Variants in RAD52 observed in about 807,000 individuals in gnomAD.
RAD52 encodes the protein DNA repair protein RAD52 homolog.
In RAD52, 47 loss-of-function variants were observed where a neutral mutation model predicts 55.5. The observed-to-expected ratio is 0.85, with a 90% CI of 0.67 to 1.08. The LOEUF (loss-of-function observed/expected upper bound fraction) is 1.08. Among genes scored for constraint, RAD52 ranks in the 50% least tolerant of loss-of-function variants. The pLI is 0.00. For missense variants in RAD52, 468 were observed against 522.8 expected, an observed-to-expected ratio of 0.90 and a Z score of 1.02; for synonymous variants, 184 against 198.9, an observed-to-expected ratio of 0.92 and a Z score of 0.63.
At chr12:924,671 C>T (rs1026776717) in intron 7 of RAD52, among the ~76,000 whole-genome samples, 1 of 152,120 alleles carries the variant, frequency 6.6e-6, no homozygotes, top group African/African-American at 2.4e-5. Flanking sequence ...CACCACAGAC[C>T]CCATTCTCCA....
At chr12:946,772 A>G (rs940881474) in intron 1 of RAD52, among the ~76,000 whole-genome samples, 3 of 152,230 alleles carry the variant, frequency 2.0e-5, no homozygotes, top group African/African-American at 4.8e-5. Flanking sequence ...TTATTTGAAC[A>G]TAGCTGGGAA....
chr12:927,233 C>G lies in RAD52; in HGVS notation c.379G>C (p.Gly127Arg). The change falls in exon 6 of 12, where the codon GGT (glycine) becomes CGT (arginine). Residue 127 changes from glycine (G) to arginine (R), a missense_variant. Gly to Arg is a moderately radical substitution (Grantham distance 125). Transcript: ENST00000358495. ...TTGGACTTGAGGCCCTCACTAACAC[C>G]ATAACCAACATCTTCATGATATGAA... The part of the protein sequence containing the change: ...DGSYHEDVGY[G>R]VSEGLKSKAL... The G allele has an allele frequency of 3.1e-6, 5 of 1,614,050 alleles. No individual in the cohort carries two copies. The highest frequency in any genetic ancestry group is 4.2e-6 in the Non-Finnish European group (5 of 1,179,974).
chr12:925,394 T>C lies in RAD52; in HGVS notation c.543+56A>G, dbSNP rs1956977158. 4 of 1,429,656 alleles carry C rather than the reference T, an allele frequency of 2.8e-6. No homozygotes were observed. The African/African-American group carries it at 5.6e-5, about 20-fold the overall frequency. The allele number at this position is 1,429,656 out of a possible 1,614,324, so 88.6% of individuals were successfully genotyped here. On this transcript the variant is annotated intron_variant, in intron 7 of 11. Coordinates refer to ENST00000358495, the MANE Select transcript of RAD52 (RefSeq NM_134424.4). ...TTGCATCCTCCAAATACTCAACCCATGACACACAAGAGTTTGCCGCATTAT... is the reference window on the plus strand; with the variant it reads ...TTGCATCCTCCAAATACTCAACCCACGACACACAAGAGTTTGCCGCATTAT...
At position 961,309 on chromosome 12, in the gene RAD52, C is replaced by CAAAAAAAAAAAAAAAAAAAAAAAAAAAAA. The variant is rs60547688; in HGVS notation, c.-18-28234_-18-28233insTTTTTTTTTTTTTTTTTTTTTTTTTTTTT. Reference sequence around the variant, plus strand: ...TGGGTGACAGAGTGAGACTCCATCTCAAAAAAAAAAAAAAAAAAAAAAAGG... The same window carrying CAAAAAAAAAAAAAAAAAAAAAAAAAAAAA: ...TGGGTGACAGAGTGAGACTCCATCTCAAAAAAAAAAAAAAAAAAAAAAAAAAAAAAAAAAAAAAAAAAAAAAAAAAAAGG... On this transcript the variant is annotated intron_variant, in intron 1 of 11. Transcript: ENST00000430095. 9.8e-4 allele frequency among the ~76,000 whole-genome samples: 33 copies of CAAAAAAAAAAAAAAAAAAAAAAAAAAAAA among 33,812 alleles called. 1 individual carries two copies. The highest frequency in any genetic ancestry group is 1.9e-3 in the East Asian group (2 of 1,046). 22.2% of individuals were successfully genotyped at this position (33,812 alleles called of 152,430 possible).
intron 1 of RAD52, among the ~76,000 whole-genome samples, chr12:987,934 T>C (rs1338222639): frequency 1.3e-5 from 2 of 152,102 alleles, no homozygotes; most frequent in Non-Finnish European, 2.9e-5. Flanking sequence ...CTTCCTAAAG[T>C]GTTGGGATTA....
At chr12:984,733 C>T (rs1052761586) in intron 1 of RAD52, among the ~76,000 whole-genome samples, 6 of 151,362 alleles carry the variant, frequency 4.0e-5, no homozygotes, top group African/African-American at 7.3e-5. Context: ...GGCGTGATCT[C>T]GGCTCACTGC....
chr12:960,504 C>T (rs2154120607), intron 1 of RAD52, among the ~76,000 whole-genome samples: 1 of 152,304 alleles, frequency 6.6e-6, no homozygotes, highest in Middle Eastern at 3.4e-3. Context: ...CTTGTTCTGA[C>T]ACCCAGGCTG....
At chr12:958,840 G>T (rs1328668853) in intron 1 of RAD52, among the ~76,000 whole-genome samples, 2 of 152,138 alleles carry the variant, frequency 1.3e-5, no homozygotes, top group Non-Finnish European at 2.9e-5. Flanking sequence ...GCTTGAGGAG[G>T]TTGGGGGCAT....
intron 1 of RAD52, among the ~76,000 whole-genome samples, chr12:966,278 TA>T (rs1215234359): frequency 6.6e-6 from 1 of 152,082 alleles, no homozygotes; most frequent in Non-Finnish European, 1.5e-5. Context: ...AATATGTAAA[TA>T]GGGGTGTTGT....
rs1476516870 is a variant in RAD52 at position 942,711 on chromosome 12, G to A, written c.-19+6891C>T. 6.0e-5 allele frequency among the ~76,000 whole-genome samples: 9 copies of A among 150,408 alleles called. No individual in the cohort carries two copies. In the East Asian group the frequency reaches 9.8e-4, roughly 16 times the overall value. ...GCAGTGAGCGGAGATCGCCATCACC[G>A]CACTCCAGCCTGGACGACAGAGCAA... On this transcript the variant is annotated intron_variant, in intron 1 of 11. Transcript: ENST00000358495.
intron 1 of RAD52, among the ~76,000 whole-genome samples, chr12:938,660 G>T (rs1957759256): frequency 6.6e-6 from 1 of 152,128 alleles, no homozygotes; most frequent in Non-Finnish European, 1.5e-5. Flanking sequence ...TCCAGTTTGG[G>T]TAACAGAGCA....
intron 1 of RAD52, among the ~76,000 whole-genome samples, chr12:965,741 A>G (rs1352474168): frequency 6.6e-6 from 1 of 151,510 alleles, no homozygotes; most frequent in Non-Finnish European, 1.5e-5. Flanking sequence ...GCTGGAGTGC[A>G]CTGTCTCGAT....
chr12:954,271 C>T (rs1958575367), upstream of RAD52, among the ~76,000 whole-genome samples: 1 of 152,202 alleles, frequency 6.6e-6, no homozygotes, highest in South Asian at 2.1e-4. Context: ...AATATCTTCT[C>T]TTACTCTGTT....
chr12:926,184 G>C (rs1246125100), intron 6 of RAD52, among the ~76,000 whole-genome samples: 1 of 152,072 alleles, frequency 6.6e-6, no homozygotes, highest in African/African-American at 2.4e-5. Flanking sequence ...CTCAGCTCAT[G>C]AGAGATCTGG....
At chr12:970,093 A>G (rs991714850) in intron 1 of RAD52, among the ~76,000 whole-genome samples, 5 of 151,668 alleles carry the variant, frequency 3.3e-5, no homozygotes, top group South Asian at 2.1e-4. Context: ...GGATCACCTG[A>G]GGTCAGGAGT....
chr12:980,753 A>AT (rs1048972640), intron 1 of RAD52, among the ~76,000 whole-genome samples: 8 of 151,976 alleles, frequency 5.3e-5, no homozygotes, highest in African/African-American at 1.9e-4. Flanking sequence ...ATGCACCACC[A>AT]TGCCACCGCG....
rs1956120492 is a variant in RAD52, at chr12:912,034, A to AGTT, written c.*1354_*1356dup. On this transcript the variant is annotated 3_prime_UTR_variant, in exon 12 of 12. Transcript: ENST00000358495. ...GCCAGACCCCCCCTCTCAAAAAAAA[A>AGTT]GTTGTTAAACTGCAAACTTCATTAT... 1.0e-5 allele frequency: 2 copies of AGTT among 200,712 alleles called. No individual in the cohort carries two copies. Among genetic ancestry groups the AGTT allele is most frequent in the African/African-American group, 2.3e-5 (1 of 43,478 alleles). The allele number at this position is 200,712 out of a possible 1,614,324, so 12.4% of individuals were successfully genotyped here.
Position 911,925 on chromosome 12 carries a change from A to T in RAD52, c.*1466T>A, listed in dbSNP as rs747186930. On this transcript the variant is annotated 3_prime_UTR_variant, in exon 12 of 12. Coordinates refer to ENST00000358495, the MANE Select transcript of RAD52 (RefSeq NM_134424.4). ...GTAATCCCAGCTACTCGGGAGCCTG[A>T]GGCAGGAGAATTGCTTGAATCCTGG... Among the ~76,000 whole-genome samples the T allele has an allele frequency of 6.6e-6, 1 of 152,032 alleles. No individual in the cohort carries two copies. Among genetic ancestry groups the T allele is most frequent in the Non-Finnish European group, 1.5e-5 (1 of 68,020 alleles).
chr12:930,004 A>T (rs377347778), intron 4 of RAD52, 47 bp downstream of exon 4: 7 of 1,590,494 alleles, frequency 4.4e-6, no homozygotes, highest in Non-Finnish European at 6.0e-6. Context: ...GACTTTCAGC[A>T]GGAGCTGGAC....
Sources: gnomAD v4.1 joint callset for allele counts (sites outside exome capture counted in the v4.1 genomes callset) on GRCh38, gnomAD v4.1.1 for gene constraint, MANE v1.5 for transcripts, NCBI Gene and HGNC (gene_info 2026-07-23, HGNC 2026-07-21) for gene names.